The following IFTAP variants were observed in gnomAD, a reference collection of about 807,000 sequenced individuals.
IFTAP encodes intraflagellar transport associated protein, also known as intraflagellar transport-associated protein.
A neutral mutation model predicts 19.4 loss-of-function variants in IFTAP; 19 were observed. The observed-to-expected ratio is 0.98, with a 90% confidence interval of 0.68 to 1.44. The LOEUF (loss-of-function observed/expected upper bound fraction) is 1.44. IFTAP is among the 40% of genes most tolerant of loss of function. The pLI, the probability that IFTAP is intolerant of heterozygous loss-of-function variation, is 0.00. For missense variants in IFTAP, 240 were observed against 253.6 expected, an observed-to-expected ratio of 0.95 and a Z score of 0.36; for synonymous variants, 85 against 83.5, an observed-to-expected ratio of 1.02 and a Z score of -0.10.
At chr11:36,631,883 C>T (rs989623674) in intron 2 of IFTAP, among the ~76,000 whole-genome samples, 12 of 151,138 alleles carry the variant, frequency 7.9e-5, no homozygotes, top group South Asian at 2.1e-4. Context: ...GTACCCTGCA[C>T]GCTTAGTTCT....
At chr11:36,603,570 T>G (rs987839865) in intron 1 of IFTAP, among the ~76,000 whole-genome samples, 1 of 152,120 alleles carries the variant, frequency 6.6e-6, no homozygotes, top group Non-Finnish European at 1.5e-5. Context: ...ATGCATAAGT[T>G]TAGTATAACA....
intron 1 of IFTAP, among the ~76,000 whole-genome samples, chr11:36,600,578 A>G (rs12273684): frequency 0.035 from 5,383 of 152,274 alleles, 316 homozygotes; most frequent in African/African-American, 0.12. Context: ...CCTCCACGAA[A>G]CTAGTCTCTG....
At chr11:36,612,606 T>G (rs1399161400) in intron 2 of IFTAP, among the ~76,000 whole-genome samples, 1 of 152,096 alleles carries the variant, frequency 6.6e-6, no homozygotes, top group Non-Finnish European at 1.5e-5. Context: ...GTTTAGTTGT[T>G]TTGTTGATAC....
chr11:36,653,138 A>G (rs532374387), intron 5 of IFTAP, among the ~76,000 whole-genome samples: 95 of 152,254 alleles, frequency 6.2e-4, no homozygotes, highest in Non-Finnish European at 1.1e-3. Context: ...ATTACTTTGT[A>G]TAGTAGCCTA....
At chr11:36,622,659 T>G (rs1214874079) in intron 2 of IFTAP, among the ~76,000 whole-genome samples, 1 of 151,998 alleles carries the variant, frequency 6.6e-6, no homozygotes, top group Admixed American at 6.6e-5. Context: ...GTGGTGAGAA[T>G]CAGATGAAAT....
Position 36,636,034 on chromosome 11 carries a change from T to C in IFTAP, c.292-17T>C. Reference sequence around the variant, plus strand: ...AGGTCTATTCTGCTTAAAAATTATGTTAATTCTTTTTTCTAGGTAGATAAT... The same window carrying C: ...AGGTCTATTCTGCTTAAAAATTATGCTAATTCTTTTTTCTAGGTAGATAAT... On this transcript the variant is annotated splice_polypyrimidine_tract_variant and intron_variant, in intron 3 of 5. Coordinates refer to ENST00000334307, the MANE Select transcript of IFTAP (RefSeq NM_138787.4). 1.3e-6 allele frequency: 2 copies of C among 1,557,212 alleles called. No homozygotes were observed. Among genetic ancestry groups the C allele is most frequent in the Non-Finnish European group, 1.8e-6 (2 of 1,129,216 alleles).
At chr11:36,652,140 A>G (rs1411951801) in intron 5 of IFTAP, among the ~76,000 whole-genome samples, 1 of 152,088 alleles carries the variant, frequency 6.6e-6, no homozygotes, top group Non-Finnish European at 1.5e-5. Context: ...AGTTACCTTG[A>G]GCAGTATGAC....
chr11:36,652,752 T>C (rs1274991741), intron 5 of IFTAP, among the ~76,000 whole-genome samples: 2 of 152,214 alleles, frequency 1.3e-5, no homozygotes, highest in Non-Finnish European at 2.9e-5. Context: ...ATTGAGAGTT[T>C]TTAGCATGAA....
At chr11:36,619,060 C>T (rs1203446174) in intron 2 of IFTAP, among the ~76,000 whole-genome samples, 1 of 151,938 alleles carries the variant, frequency 6.6e-6, no homozygotes, top group Admixed American at 6.6e-5. Context: ...GATACTGAGG[C>T]CCACAGAGGC....
intron 1 of IFTAP, chr11:36,595,137 T>C (rs1851161185): frequency 6.6e-6 from 1 of 152,220 alleles, no homozygotes; most frequent in Admixed American, 6.5e-5. Context: ...CTCCTGTTTT[T>C]AGGGTTCTTT....
intron 5 of IFTAP, among the ~76,000 whole-genome samples, chr11:36,651,690 A>C (rs1198941058): frequency 6.6e-6 from 1 of 152,152 alleles, no homozygotes; most frequent in Non-Finnish European, 1.5e-5. Flanking sequence ...TTTTAGGTCT[A>C]ACATTTAAAT....
intron 2 of IFTAP, among the ~76,000 whole-genome samples, chr11:36,626,148 A>G (rs938498216): frequency 4.6e-5 from 7 of 151,212 alleles, no homozygotes; most frequent in Non-Finnish European, 8.8e-5. Flanking sequence ...TGGCCTTTGG[A>G]TACATTTCCA....
chr11:36,613,280 C>T (rs16929150), intron 2 of IFTAP, among the ~76,000 whole-genome samples: 1,819 of 151,974 alleles, frequency 0.012, 21 homozygotes, highest in East Asian at 0.031. Context: ...ATAGGACTTT[C>T]TAGAATATCT....
chr11:36,623,464 G>A (rs1032410665), intron 2 of IFTAP, among the ~76,000 whole-genome samples: 3 of 151,946 alleles, frequency 2.0e-5, no homozygotes, highest in African/African-American at 7.3e-5. Context: ...AGTGAAAAAG[G>A]ATGATGGGTT....
In IFTAP at chr11:36,633,090, CATA is replaced by C. The variant is rs957424919; in HGVS notation, c.137-191_137-189del. ...CACTCAATAAATATATGTTGAGTGACATAATGTTATCTTTCTATCCAGTTTTAG... is the reference window on the plus strand; with the variant it reads ...CACTCAATAAATATATGTTGAGTGACATGTTATCTTTCTATCCAGTTTTAG... On this transcript the variant is annotated intron_variant, in intron 2 of 5. Transcript: ENST00000334307. Among the ~76,000 whole-genome samples, 11 of 151,288 alleles carry C rather than the reference CATA, an allele frequency of 7.3e-5. 1 individual carries two copies. Among genetic ancestry groups the C allele is most frequent in the African/African-American group, 2.7e-4 (11 of 40,722 alleles).
At chr11:36,632,975 A>T (rs1852785289) in intron 2 of IFTAP, among the ~76,000 whole-genome samples, 1 of 151,198 alleles carries the variant, frequency 6.6e-6, no homozygotes, top group South Asian at 2.1e-4. Flanking sequence ...TTAGAAAAAG[A>T]TGTGATAGGT....
At chr11:36,632,129 G>T (rs1222762622) in intron 2 of IFTAP, among the ~76,000 whole-genome samples, 1 of 151,048 alleles carries the variant, frequency 6.6e-6, no homozygotes, top group African/African-American at 2.5e-5. Context: ...TTCTCTCTCT[G>T]TAGGCCTTGG....
chr11:36,599,615 A>G (rs757748252), intron 1 of IFTAP, among the ~76,000 whole-genome samples: 2 of 152,072 alleles, frequency 1.3e-5, no homozygotes, highest in Non-Finnish European at 2.9e-5. Flanking sequence ...ATTTTTTGCA[A>G]AATTTTAGTG....
chr11:36,651,963 G>T (rs1468298894), intron 5 of IFTAP, among the ~76,000 whole-genome samples: 1 of 152,160 alleles, frequency 6.6e-6, no homozygotes, highest in Non-Finnish European at 1.5e-5. Context: ...TAGCCTTGTA[G>T]TATAGTTTGA....
Sources: gnomAD v4.1 joint callset for allele counts (sites outside exome capture counted in the v4.1 genomes callset) on GRCh38, gnomAD v4.1.1 for gene constraint, MANE v1.5 for transcripts, NCBI Gene and HGNC (gene_info 2026-07-23, HGNC 2026-07-21) for gene names.